Variants in ARMH4 observed in about 807,000 individuals in gnomAD.
ARMH4 encodes armadillo like helical domain containing 4, also known as armadillo-like helical domain-containing protein 4.
ARMH4 carries 49 observed loss-of-function variants against 61.9 expected under a neutral mutation model. The observed-to-expected ratio is 0.79, with a 90% CI of 0.63 to 1.00. The LOEUF (loss-of-function observed/expected upper bound fraction) is 1.00. Ranked by LOEUF, ARMH4 falls within the 50% of genes least tolerant of loss-of-function variation. ARMH4 has a pLI of 0.00. For synonymous variants in ARMH4, 368 were observed against 341.5 expected (o/e 1.08, Z -0.85); for missense variants, 934 against 930.0 (o/e 1.00, Z -0.06).
intron 5 of ARMH4, among the ~76,000 whole-genome samples, chr14:58,048,885 G>T (rs1322716127): frequency 6.6e-6 from 1 of 152,176 alleles, no homozygotes; most frequent in South Asian, 2.1e-4. Flanking sequence ...CGAACCTACT[G>T]AACTTCTGAT....
intron 5 of ARMH4, among the ~76,000 whole-genome samples, chr14:58,045,539 C>T (rs919256723): frequency 3.3e-5 from 5 of 151,522 alleles, no homozygotes; most frequent in African/African-American, 1.2e-4. Context: ...TGCGGCACAC[C>T]AACATGGCAC....
intron 6 of ARMH4, 103 bp from the exon 7 acceptor site, chr14:58,005,285 C>T (rs1000584870): frequency 7.1e-7 from 1 of 1,413,916 alleles, no homozygotes; most frequent in Non-Finnish European, 9.7e-7. Context: ...ACTTTGAATT[C>T]TCCTGTCTGC....
chr14:58,073,595 T>C (rs934842973), intron 5 of ARMH4, among the ~76,000 whole-genome samples: 7 of 151,926 alleles, frequency 4.6e-5, no homozygotes, highest in African/African-American at 1.5e-4. Context: ...TTTACTTCAC[T>C]GGGAAAAAAA....
At chr14:58,061,053 G>GCCTT (rs538674821) in intron 5 of ARMH4, among the ~76,000 whole-genome samples, 327 of 152,192 alleles carry the variant, frequency 2.1e-3, no homozygotes, top group African/African-American at 7.3e-3. Context: ...AATTTGGTGA[G>GCCTT]CCTTAGAATA....
At chr14:58,047,734 G>T (rs1883990217) in intron 5 of ARMH4, among the ~76,000 whole-genome samples, 1 of 152,174 alleles carries the variant, frequency 6.6e-6, no homozygotes, top group Non-Finnish European at 1.5e-5. Flanking sequence ...AGAATCTGAG[G>T]CAATGAATCC....
chr14:58,098,347 G>A (rs1322791145), intron 4 of ARMH4, among the ~76,000 whole-genome samples: 2 of 151,976 alleles, frequency 1.3e-5, no homozygotes, highest in East Asian at 3.8e-4. Context: ...ACCCCCTAAC[G>A]GGTGCCGTTG....
intron 1 of ARMH4, chr14:58,141,711 A>G: frequency 3.5e-6 from 1 of 289,378 alleles, no homozygotes; most frequent in Non-Finnish European, 6.6e-6. Context: ...CCCAGGCCCC[A>G]TGGCCCTGGG....
chr14:58,047,681 A>C (rs1482610810), intron 5 of ARMH4, among the ~76,000 whole-genome samples: 2 of 152,242 alleles, frequency 1.3e-5, no homozygotes, highest in Non-Finnish European at 2.9e-5. Context: ...GTCACAATCC[A>C]AAATTAATGA....
chr14:58,133,673 T>C (rs1016286256), intron 2 of ARMH4, among the ~76,000 whole-genome samples: 43 of 152,214 alleles, frequency 2.8e-4, no homozygotes, highest in African/African-American at 1.0e-3. Flanking sequence ...AAACAAGTTA[T>C]ACAGAACTAA....
intron 5 of ARMH4, among the ~76,000 whole-genome samples, chr14:58,053,782 T>G (rs7140492): frequency 0.075 from 11,461 of 152,222 alleles, 638 homozygotes; most frequent in African/African-American, 0.16. Context: ...GATCCTCGCC[T>G]CGCCTCCATA....
chr14:58,036,893 A>G (rs1883504650), intron 5 of ARMH4, among the ~76,000 whole-genome samples: 1 of 125,194 alleles, frequency 8.0e-6, no homozygotes, highest in Admixed American at 7.7e-5. Context: ...GCTCAAGGAA[A>G]TAAAAGAGGA....
chr14:58,078,833 C>G (rs1393714857), intron 5 of ARMH4, among the ~76,000 whole-genome samples: 1 of 152,204 alleles, frequency 6.6e-6, no homozygotes, highest in African/African-American at 2.4e-5. Context: ...GACCCCTGGC[C>G]TAAGCCAATG....
chr14:58,121,198 C>T (rs905783968), intron 4 of ARMH4, among the ~76,000 whole-genome samples: 2 of 152,120 alleles, frequency 1.3e-5, no homozygotes, highest in Non-Finnish European at 2.9e-5. Context: ...ATCTGAATAG[C>T]CAAATAAATA....
At chr14:58,095,504 T>C (rs1224039761) in intron 5 of ARMH4, among the ~76,000 whole-genome samples, 1 of 152,234 alleles carries the variant, frequency 6.6e-6, no homozygotes, top group Non-Finnish European at 1.5e-5. Flanking sequence ...TGTTTTATAG[T>C]ATTTTGATAT....
chr14:58,093,933 G>C (rs1053187258), intron 5 of ARMH4, among the ~76,000 whole-genome samples: 3 of 152,150 alleles, frequency 2.0e-5, no homozygotes, highest in Non-Finnish European at 4.4e-5. Flanking sequence ...TAGAGAAATA[G>C]TAAATAATAA....
intron 5 of ARMH4, among the ~76,000 whole-genome samples, chr14:58,031,186 G>T (rs1883216818): frequency 6.6e-6 from 1 of 152,162 alleles, no homozygotes; most frequent in African/African-American, 2.4e-5. Context: ...AAATTGAATT[G>T]TGTTTCTTCA....
chr14:58,107,746 A>G (rs1179013840), intron 4 of ARMH4, among the ~76,000 whole-genome samples: 1 of 145,098 alleles, frequency 6.9e-6, no homozygotes, highest in Non-Finnish European at 1.5e-5. Context: ...CTTGGGCGAC[A>G]GAGCAAGACT....
chr14:58,141,628 C>A, intron 1 of ARMH4: 1 of 446,596 alleles, frequency 2.2e-6, no homozygotes, highest in South Asian at 1.8e-5. Flanking sequence ...GAAATGCGGC[C>A]ACACCAACAA....
chr14:58,008,936 C>T (rs1277081558), intron 6 of ARMH4, among the ~76,000 whole-genome samples: 1 of 152,154 alleles, frequency 6.6e-6, no homozygotes, highest in Admixed American at 6.5e-5. Flanking sequence ...AATTGTTATG[C>T]ATCTTCAGTT....
Sources: allele counts gnomAD v4.1 joint callset (sites outside exome capture counted in the v4.1 genomes callset), GRCh38; gene constraint gnomAD v4.1.1; transcripts MANE v1.5; gene names NCBI Gene and HGNC (gene_info 2026-07-23, HGNC 2026-07-21).